RABGAP1L: variants seen among roughly 807,000 people sequenced by gnomAD.
The protein encoded by RABGAP1L is RAB GTPase activating protein 1 like.
RABGAP1L carries 63 observed loss-of-function variants against 137.7 expected under a neutral mutation model. The ratio of observed to expected loss-of-function variants is 0.46; its 90% CI spans 0.37 to 0.56. The LOEUF is 0.56. Ranked by LOEUF, RABGAP1L falls within the 20% of genes least tolerant of loss-of-function variation. The pLI is 0.00. For missense variants in RABGAP1L, 1,095 were observed against 1,244.0 expected, an observed-to-expected ratio of 0.88 and a Z score of 1.80; for synonymous variants, 431 against 433.7, an observed-to-expected ratio of 0.99 and a Z score of 0.08.
At chr1:174,934,334 T>G (rs1197762582) in intron 19 of RABGAP1L, among the ~76,000 whole-genome samples, 1 of 152,016 alleles carries the variant, frequency 6.6e-6, no homozygotes, top group Non-Finnish European at 1.5e-5. Flanking sequence ...GTGATCCACC[T>G]GCCTCGGCCT....
intron 19 of RABGAP1L, among the ~76,000 whole-genome samples, chr1:174,812,929 C>A (rs1235278646): frequency 6.6e-6 from 1 of 152,142 alleles, no homozygotes; most frequent in East Asian, 1.9e-4. Flanking sequence ...CTGCCTCATG[C>A]CTGGGTGGGC....
intron 13 of RABGAP1L, among the ~76,000 whole-genome samples, chr1:174,397,138 C>A (rs1647970291): frequency 2.0e-5 from 3 of 152,090 alleles, no homozygotes; most frequent in Non-Finnish European, 4.4e-5. Context: ...CAGAGTGAGA[C>A]CCAGTCTCAA....
chr1:174,483,908 T>C (rs1287898445), intron 13 of RABGAP1L, among the ~76,000 whole-genome samples: 1 of 152,222 alleles, frequency 6.6e-6, no homozygotes, highest in African/African-American at 2.4e-5. Flanking sequence ...TGTCCTTTCT[T>C]TTGTTTATAT....
intron 3 of RABGAP1L, among the ~76,000 whole-genome samples, chr1:174,221,537 T>C (rs1013395581): frequency 1.3e-5 from 2 of 152,218 alleles, no homozygotes; most frequent in Admixed American, 1.3e-4. Flanking sequence ...TTATATTTAG[T>C]AAAAACTCTA....
intron 13 of RABGAP1L, among the ~76,000 whole-genome samples, chr1:174,574,478 A>G (rs1009225865): frequency 2.6e-5 from 4 of 152,134 alleles, no homozygotes; most frequent in African/African-American, 9.7e-5. Context: ...TTATTCTTCG[A>G]TGAAACAGAT....
intron 1 of RABGAP1L, among the ~76,000 whole-genome samples, chr1:174,218,016 A>G (rs150593607): frequency 1.1e-3 from 172 of 152,254 alleles, no homozygotes; most frequent in African/African-American, 3.8e-3. Flanking sequence ...TAGACTTACT[A>G]TGGCTTACAA....
intron 18 of RABGAP1L, among the ~76,000 whole-genome samples, chr1:174,755,984 C>T (rs774034109): frequency 6.6e-6 from 1 of 152,074 alleles, no homozygotes; most frequent in South Asian, 2.1e-4. Flanking sequence ...TACAATTTCT[C>T]CATTTTTTAA....
At chr1:174,383,246 T>C (rs972162717) in intron 12 of RABGAP1L, among the ~76,000 whole-genome samples, 15 of 150,862 alleles carry the variant, frequency 9.9e-5, no homozygotes, top group Admixed American at 7.3e-4. Flanking sequence ...TCTTTTTGTT[T>C]GTCTGTGCCC....
At chr1:174,161,622 A>G (rs546104973) in intron 1 of RABGAP1L, among the ~76,000 whole-genome samples, 3 of 152,228 alleles carry the variant, frequency 2.0e-5, no homozygotes, top group Non-Finnish European at 2.9e-5. Context: ...TATAACCTAC[A>G]TTGTCCTCTA....
chr1:174,165,399 C>G (rs1266845611), intron 1 of RABGAP1L, among the ~76,000 whole-genome samples: 1 of 152,196 alleles, frequency 6.6e-6, no homozygotes, highest in Admixed American at 6.5e-5. Flanking sequence ...ATCCATCCGC[C>G]TCAGCCTCCC....
chr1:174,247,621 TC>T (rs1202505954), intron 5 of RABGAP1L, among the ~76,000 whole-genome samples: 1 of 152,200 alleles, frequency 6.6e-6, no homozygotes, highest in Non-Finnish European at 1.5e-5. Context: ...CCCCACATGT[TC>T]CTGGCAACAT....
intron 20 of RABGAP1L, chr1:174,964,915 G>T (rs1389548727): frequency 3.2e-5 from 48 of 1,485,682 alleles, no homozygotes; most frequent in Admixed American, 2.3e-4. Context: ...AATTTCATTG[G>T]ATATTCTTTT....
At chr1:174,887,044 A>G (rs1360134433) in intron 19 of RABGAP1L, among the ~76,000 whole-genome samples, 1 of 152,074 alleles carries the variant, frequency 6.6e-6, no homozygotes, top group African/African-American at 2.4e-5. Context: ...ACCTCAAGTG[A>G]TCTGCCCACC....
At chr1:174,294,788 G>A (rs1343652134) in intron 10 of RABGAP1L, among the ~76,000 whole-genome samples, 2 of 152,184 alleles carry the variant, frequency 1.3e-5, no homozygotes, top group Non-Finnish European at 2.9e-5. Flanking sequence ...TTTCATGTGA[G>A]GTTGAGGGAA....
chr1:174,767,287 C>T (rs185894104), intron 18 of RABGAP1L, among the ~76,000 whole-genome samples: 17 of 152,264 alleles, frequency 1.1e-4, no homozygotes, highest in Admixed American at 8.5e-4. Context: ...GACTCTTCAT[C>T]GACATTAACA....
At chr1:174,894,430 G>A (rs1656790138) in intron 19 of RABGAP1L, among the ~76,000 whole-genome samples, 1 of 152,160 alleles carries the variant, frequency 6.6e-6, no homozygotes, top group African/African-American at 2.4e-5. Flanking sequence ...GAGAAACAAG[G>A]TTTAACTTTA....
chr1:174,392,635 G>GT (rs555086769), intron 12 of RABGAP1L, among the ~76,000 whole-genome samples: 230 of 152,290 alleles, frequency 1.5e-3, no homozygotes, highest in African/African-American at 5.3e-3. Flanking sequence ...GGAAGTTTTA[G>GT]TTTTTTTCTG....
At chr1:174,559,928 G>A (rs546499815) in intron 13 of RABGAP1L, among the ~76,000 whole-genome samples, 1 of 152,280 alleles carries the variant, frequency 6.6e-6, no homozygotes, top group African/African-American at 2.4e-5. Flanking sequence ...GAGGTCAGGA[G>A]TTCGAGACCA....
At chr1:174,437,882 C>T (rs1357064329) in intron 13 of RABGAP1L, among the ~76,000 whole-genome samples, 2 of 151,966 alleles carry the variant, frequency 1.3e-5, no homozygotes, top group African/African-American at 2.4e-5. Context: ...CGGCAGAAAC[C>T]CTACAAGCCA....
Sources: gnomAD v4.1 joint callset for allele counts (sites outside exome capture counted in the v4.1 genomes callset) on GRCh38, gnomAD v4.1.1 for gene constraint, MANE v1.5 for transcripts, NCBI Gene and HGNC (gene_info 2026-07-23, HGNC 2026-07-21) for gene names.